Variants in FRMD3 observed in about 807,000 individuals in gnomAD.
FRMD3 encodes the protein FERM domain-containing protein 3.
Under a neutral mutation model 70.2 loss-of-function variants are expected in FRMD3, and 33 were observed. The ratio of observed to expected loss-of-function variants is 0.47; its 90% CI spans 0.36 to 0.63. The LOEUF (loss-of-function observed/expected upper bound fraction) is 0.63, where lower values mean the gene tolerates loss of function less well. FRMD3 is among the 20% of genes least tolerant of loss of function. The pLI is 0.00. For missense variants in FRMD3, 632 were observed against 711.4 expected (o/e 0.89, Z 1.27); for synonymous variants, 279 against 255.9 (o/e 1.09, Z -0.86).
At chr9:83,313,578 G>C in intron 7 of FRMD3, 82 bp downstream of exon 7, 2 of 1,083,196 alleles carry the variant, frequency 1.8e-6, no homozygotes, top group Non-Finnish European at 2.8e-6. Flanking sequence ...ATTTAACAAG[G>C]CTCTGCCAGG....
At chr9:83,384,612 G>A (rs1271634750) in intron 2 of FRMD3, among the ~76,000 whole-genome samples, 1 of 152,100 alleles carries the variant, frequency 6.6e-6, no homozygotes, top group Non-Finnish European at 1.5e-5. Context: ...GTGACGGTGG[G>A]GGATCAGGAC....
intron 13 of FRMD3, among the ~76,000 whole-genome samples, chr9:83,253,632 T>A (rs569066057): frequency 6.6e-6 from 1 of 152,246 alleles, no homozygotes; most frequent in South Asian, 2.1e-4. Context: ...CTGGAGAGGA[T>A]GTGGAGAAAT....
chr9:83,569,020 G>C, the FRMD3 span, among the ~76,000 whole-genome samples: 2 of 151,342 alleles, frequency 1.3e-5, no homozygotes, highest in African/African-American at 4.9e-5. Context: ...CACAATATTG[G>C]GAAATGATTT....
intron 1 of FRMD3, among the ~76,000 whole-genome samples, chr9:83,485,057 T>C (rs988120135): frequency 1.3e-5 from 2 of 152,230 alleles, no homozygotes; most frequent in Non-Finnish European, 2.9e-5. Flanking sequence ...ATATTGATGA[T>C]AGCTCTATCT....
chr9:83,551,331 G>C, the FRMD3 span, among the ~76,000 whole-genome samples: 1 of 152,184 alleles, frequency 6.6e-6, no homozygotes, highest in East Asian at 1.9e-4. Flanking sequence ...AAGCCTACTT[G>C]ATCATGGTGG....
chr9:83,487,558 G>C (rs1171736700), intron 1 of FRMD3, among the ~76,000 whole-genome samples: 1 of 152,182 alleles, frequency 6.6e-6, no homozygotes, highest in Non-Finnish European at 1.5e-5. Context: ...TGCTACAATA[G>C]TAACAGATTT....
chr9:83,340,209 T>A (rs536098682), intron 5 of FRMD3, among the ~76,000 whole-genome samples: 2 of 152,304 alleles, frequency 1.3e-5, no homozygotes, highest in Non-Finnish European at 2.9e-5. Flanking sequence ...ACCTGGAGTT[T>A]AGGCAAGTGC....
At chr9:83,472,031 G>A (rs1409488981) in intron 1 of FRMD3, among the ~76,000 whole-genome samples, 1 of 152,214 alleles carries the variant, frequency 6.6e-6, no homozygotes, top group African/African-American at 2.4e-5. Context: ...CACAGAGCAA[G>A]GGCCTCGTGA....
intron 8 of FRMD3, among the ~76,000 whole-genome samples, chr9:83,311,559 C>T (rs544333213): frequency 6.6e-6 from 1 of 152,190 alleles, no homozygotes; most frequent in Non-Finnish European, 1.5e-5. Context: ...CTGAGTTGTT[C>T]ATGGGAACTC....
chr9:83,254,860 T>A (rs915243615), intron 13 of FRMD3, among the ~76,000 whole-genome samples: 3 of 152,070 alleles, frequency 2.0e-5, no homozygotes, highest in Non-Finnish European at 4.4e-5. Flanking sequence ...TCAATAATGG[T>A]TCTGAAATTG....
intron 1 of FRMD3, among the ~76,000 whole-genome samples, chr9:83,391,939 C>T (rs1330652199): frequency 6.6e-6 from 1 of 152,202 alleles, no homozygotes; most frequent in East Asian, 1.9e-4. Context: ...TGCTCTAGCC[C>T]TGCTGCACCT....
intron 1 of FRMD3, among the ~76,000 whole-genome samples, chr9:83,496,503 A>C (rs1828946215): frequency 6.6e-6 from 1 of 152,202 alleles, no homozygotes; most frequent in South Asian, 2.1e-4. Flanking sequence ...TTGCTAAAAT[A>C]AACACTCTTA....
At chr9:83,256,475 C>A (rs763190635) in intron 13 of FRMD3, among the ~76,000 whole-genome samples, 1 of 152,078 alleles carries the variant, frequency 6.6e-6, no homozygotes, top group Non-Finnish European at 1.5e-5. Context: ...GATTTCATGA[C>A]GAAAATGCCA....
At chr9:83,323,061 A>G (rs1318614749) in intron 6 of FRMD3, among the ~76,000 whole-genome samples, 1 of 152,242 alleles carries the variant, frequency 6.6e-6, no homozygotes, top group Non-Finnish European at 1.5e-5. Context: ...TGTACAGCAC[A>G]AGAAACCCTC....
At chr9:83,378,767 T>A (rs866128112) in intron 2 of FRMD3, among the ~76,000 whole-genome samples, 2 of 120,526 alleles carry the variant, frequency 1.7e-5, no homozygotes, top group African/African-American at 3.8e-5. Flanking sequence ...TAATTTATAT[T>A]ATATATAATA....
Position 83,299,111 on chromosome 9 carries a change from C to T in FRMD3, c.1001+1G>A. ...ACTGAAATGGAACCATTGGTACCCA[C>T]CTATATCGAAATCTACTTCCTTTAA... On this transcript the variant is annotated splice_donor_variant, in intron 11 of 13. Coordinates refer to ENST00000304195, the MANE Select transcript of FRMD3 (RefSeq NM_174938.6). LOFTEE classifies it high-confidence loss of function. 6.2e-7 allele frequency: 1 copy of T among 1,600,472 alleles called. No individual in the cohort carries two copies. Among genetic ancestry groups the T allele is most frequent in the Non-Finnish European group, 8.6e-7 (1 of 1,168,108 alleles).
chr9:83,445,379 T>TAGATACATAGATAGAC (rs1554706371), intron 1 of FRMD3, among the ~76,000 whole-genome samples: 1 of 150,860 alleles, frequency 6.6e-6, no homozygotes, highest in African/African-American at 2.5e-5. Flanking sequence ...GATAGATAGA[T>TAGATACATAGATAGAC]AGACAGATAG....
At chr9:83,567,677 C>G in the FRMD3 span, among the ~76,000 whole-genome samples, 6 of 152,186 alleles carry the variant, frequency 3.9e-5, no homozygotes, top group African/African-American at 1.4e-4. Flanking sequence ...CCCAAAATCT[C>G]TAGGGCAGGG....
At chr9:83,303,918 C>G (rs1835018271) in intron 10 of FRMD3, among the ~76,000 whole-genome samples, 1 of 152,182 alleles carries the variant, frequency 6.6e-6, no homozygotes, top group African/African-American at 2.4e-5. Flanking sequence ...CTCACCACTC[C>G]CAGCCCTAAG....
Sources: gnomAD v4.1 joint callset for allele counts (sites outside exome capture counted in the v4.1 genomes callset) on GRCh38, gnomAD v4.1.1 for gene constraint, MANE v1.5 for transcripts, NCBI Gene and HGNC (gene_info 2026-07-23, HGNC 2026-07-21) for gene names.